DGKB: variants seen among roughly 807,000 people sequenced by gnomAD.
DGKB encodes the protein diacylglycerol kinase beta.
A neutral mutation model predicts 114.3 loss-of-function variants in DGKB; 67 were observed. The observed-to-expected ratio is 0.59, with a 90% confidence interval of 0.48 to 0.72. The LOEUF is 0.72. Ranked by LOEUF, DGKB falls within the 30% of genes least tolerant of loss-of-function variation. DGKB has a pLI of 0.00. For missense variants in DGKB, 907 were observed against 975.2 expected (o/e 0.93, Z 0.93); for synonymous variants, 398 against 323.1 (o/e 1.23, Z -2.49).
intron 2 of DGKB, among the ~76,000 whole-genome samples, chr7:14,814,666 C>G (rs1240544363): frequency 6.6e-6 from 1 of 152,128 alleles, no homozygotes; most frequent in Non-Finnish European, 1.5e-5. Context: ...CAACATTCAA[C>G]TGACAAACGT....
At position 14,813,197 on chromosome 7, in the gene DGKB, C is replaced by T. The variant is rs141936634; in HGVS notation, c.70+27997G>A. ...CTTCACCACCTGAATTTCTAACACT[C>T]GGCGTTCCTTGCTTTAAGCTATTTT... On this transcript the variant is annotated intron_variant, in intron 2 of 25. Transcript: ENST00000402815. 3.7e-3 allele frequency among the ~76,000 whole-genome samples: 556 copies of T among 152,132 alleles called. 3 individuals carry two copies. Among genetic ancestry groups the T allele is most frequent in the Non-Finnish European group, 4.9e-3 (333 of 68,010 alleles).
At chr7:14,563,258 T>C (rs959889514) in intron 20 of DGKB, among the ~76,000 whole-genome samples, 2 of 152,238 alleles carry the variant, frequency 1.3e-5, no homozygotes, top group Non-Finnish European at 2.9e-5. Context: ...GGTCTGTCTT[T>C]ATTAGCGGCA....
intron 1 of DGKB, among the ~76,000 whole-genome samples, chr7:14,844,722 C>T (rs1848401767): frequency 6.6e-6 from 1 of 152,118 alleles, no homozygotes; most frequent in African/African-American, 2.4e-5. Flanking sequence ...GCCTGTCTGA[C>T]AAATTACCAA....
rs62444601 is a variant in DGKB at position 14,387,392 on chromosome 7, A to G, written c.1836-42001T>C. Reference sequence around the variant, plus strand: ...GGCACCATTGCACTCCAGCCTTGTGACAGAGTGAGACTCCATCTCAAAAAA... The same window carrying G: ...GGCACCATTGCACTCCAGCCTTGTGGCAGAGTGAGACTCCATCTCAAAAAA... On this transcript the variant is annotated intron_variant, in intron 21 of 25. Transcript: ENST00000402815. Among the ~76,000 whole-genome samples the G allele has an allele frequency of 5.7e-3, 745 of 130,304 alleles. 5 individuals are homozygous for G. The highest frequency in any genetic ancestry group is 0.017 in the Middle Eastern group (4 of 242). 85.5% of individuals were successfully genotyped at this position (130,304 alleles called of 152,430 possible). A position where few individuals can be genotyped will look rare whatever the true frequency, so the allele number is the denominator to read the frequency against.
At chr7:14,798,674 C>A (rs992253196) in intron 2 of DGKB, among the ~76,000 whole-genome samples, 1 of 152,100 alleles carries the variant, frequency 6.6e-6, no homozygotes, top group Non-Finnish European at 1.5e-5. Flanking sequence ...CCCAGGACAC[C>A]CAAAACATCA....
intron 1 of DGKB, among the ~76,000 whole-genome samples, chr7:14,954,143 C>T (rs1558320): frequency 0.054 from 8,146 of 152,076 alleles, 673 homozygotes; most frequent in African/African-American, 0.18. Flanking sequence ...GAGGTGTGGG[C>T]CTGTTTGCCT....
At chr7:14,203,860 T>C (rs1786315173) in intron 23 of DGKB, among the ~76,000 whole-genome samples, 1 of 151,958 alleles carries the variant, frequency 6.6e-6, no homozygotes, top group Non-Finnish European at 1.5e-5. Flanking sequence ...CAGTAGCAGA[T>C]GTGGGGCAAA....
intron 2 of DGKB, among the ~76,000 whole-genome samples, chr7:14,780,402 C>T (rs1233407682): frequency 2.6e-5 from 4 of 152,138 alleles, no homozygotes; most frequent in Non-Finnish European, 4.4e-5. Context: ...GTTTCAAAAC[C>T]ACTTAGCACC....
At chr7:14,676,030 G>A (rs751138895) in intron 12 of DGKB, among the ~76,000 whole-genome samples, 67 of 152,006 alleles carry the variant, frequency 4.4e-4, no homozygotes, top group South Asian at 1.2e-3. Context: ...AAGCCAATGT[G>A]AAAAATGTGT....
At chr7:14,481,765 C>A (rs755685824) in intron 20 of DGKB, among the ~76,000 whole-genome samples, 26 of 151,994 alleles carry the variant, frequency 1.7e-4, no homozygotes, top group Non-Finnish European at 2.4e-4. Flanking sequence ...TCCCTGTGTG[C>A]AAACTTTTCT....
At chr7:14,522,654 T>A (rs947727403) in intron 20 of DGKB, among the ~76,000 whole-genome samples, 1 of 152,186 alleles carries the variant, frequency 6.6e-6, no homozygotes, top group African/African-American at 2.4e-5. Flanking sequence ...GCCATGGTCT[T>A]ACAACTGAAG....
At chr7:14,876,305 G>T (rs962061602) in intron 1 of DGKB, among the ~76,000 whole-genome samples, 1 of 152,208 alleles carries the variant, frequency 6.6e-6, no homozygotes, top group Non-Finnish European at 1.5e-5. Flanking sequence ...AAATATGACT[G>T]CAAAACTACA....
intron 13 of DGKB, among the ~76,000 whole-genome samples, chr7:14,646,514 T>C (rs1400391789): frequency 6.6e-6 from 1 of 152,134 alleles, no homozygotes; most frequent in East Asian, 1.9e-4. Context: ...TTACAGAGTA[T>C]TTCATCCAAT....
chr7:14,638,053 A>T (rs1337560292), intron 13 of DGKB, among the ~76,000 whole-genome samples: 2 of 152,130 alleles, frequency 1.3e-5, no homozygotes, highest in African/African-American at 2.4e-5. Flanking sequence ...ATATTTAAAA[A>T]TCAGATTTTT....
At chr7:14,308,252 T>C (rs1208593980) in intron 23 of DGKB, among the ~76,000 whole-genome samples, 1 of 152,118 alleles carries the variant, frequency 6.6e-6, no homozygotes, top group East Asian at 1.9e-4. Context: ...TTAATGGCTA[T>C]GCCATGAGTA....
chr7:14,893,145 G>T (rs766130168), intron 1 of DGKB, among the ~76,000 whole-genome samples: 1 of 151,172 alleles, frequency 6.6e-6, no homozygotes, highest in Non-Finnish European at 1.5e-5. Context: ...CTTTGAATGA[G>T]TCACTCTGTC....
intron 1 of DGKB, among the ~76,000 whole-genome samples, chr7:14,860,663 T>G (rs114281013): frequency 0.012 from 1,892 of 152,068 alleles, 35 homozygotes; most frequent in African/African-American, 0.044. Context: ...AGATGATTTT[T>G]ACTGTTAGTT....
At chr7:14,217,397 T>C (rs1789163192) in intron 23 of DGKB, among the ~76,000 whole-genome samples, 1 of 152,120 alleles carries the variant, frequency 6.6e-6, no homozygotes, top group African/African-American at 2.4e-5. Context: ...CAGTACCTTA[T>C]TCCAGTTGCA....
chr7:14,211,349 A>G (rs143799830), intron 23 of DGKB, among the ~76,000 whole-genome samples: 158 of 94,860 alleles, frequency 1.7e-3, no homozygotes, highest in African/African-American at 7.1e-3. Context: ...TTTTACTCTC[A>G]TGTTTTGTGA....
Sources: allele counts gnomAD v4.1 joint callset (sites outside exome capture counted in the v4.1 genomes callset), GRCh38; gene constraint gnomAD v4.1.1; transcripts MANE v1.5; gene names NCBI Gene and HGNC (gene_info 2026-07-23, HGNC 2026-07-21).